FAM219A: variants seen among roughly 807,000 people sequenced by gnomAD.
The protein encoded by FAM219A is protein FAM219A.
Under a neutral mutation model 23.4 loss-of-function variants are expected in FAM219A, and 7 were observed. That is an observed-to-expected ratio of 0.30 (90% CI 0.17 to 0.56). The LOEUF (loss-of-function observed/expected upper bound fraction) is 0.56. FAM219A is among the 20% of genes least tolerant of loss of function. The probability of loss-of-function intolerance (pLI) is 0.92; values close to 1 mark genes in which losing one functional copy is unlikely to be tolerated. For synonymous variants in FAM219A, 93 were observed against 99.0 expected (o/e 0.94, Z 0.36); for missense variants, 166 against 246.9 (o/e 0.67, Z 2.20).
intron 1 of FAM219A, among the ~76,000 whole-genome samples, chr9:34,437,873 TG>T (rs1822981355): frequency 6.6e-6 from 1 of 152,220 alleles, no homozygotes; most frequent in Non-Finnish European, 1.5e-5. Flanking sequence ...AGCCCCTTTC[TG>T]GGCTGGCCAA....
chr9:34,426,563 A>T (rs1488505546), intron 1 of FAM219A, among the ~76,000 whole-genome samples: 1 of 152,230 alleles, frequency 6.6e-6, no homozygotes, highest in African/African-American at 2.4e-5. Flanking sequence ...GCAGATAGGA[A>T]CAGGCAATGG....
chr9:34,433,024 G>A (rs1345353721), intron 1 of FAM219A, among the ~76,000 whole-genome samples: 3 of 151,972 alleles, frequency 2.0e-5, no homozygotes, highest in South Asian at 2.1e-4. Context: ...TTGCATTTAC[G>A]GAAGAGTTAC....
intron 1 of FAM219A, among the ~76,000 whole-genome samples, chr9:34,440,849 T>TC (rs1823142302): frequency 7.2e-6 from 1 of 138,656 alleles, no homozygotes; most frequent in Non-Finnish European, 1.6e-5. Context: ...AGACTCGGTC[T>TC]CAAAAAAAAA....
At chr9:34,427,972 G>A (rs1213009939) in intron 1 of FAM219A, among the ~76,000 whole-genome samples, 1 of 152,208 alleles carries the variant, frequency 6.6e-6, no homozygotes, top group African/African-American at 2.4e-5. Context: ...AACAAACTGA[G>A]CAGATAGATG....
intron 1 of FAM219A, among the ~76,000 whole-genome samples, chr9:34,413,511 C>A (rs142115764): frequency 6.6e-6 from 1 of 152,114 alleles, no homozygotes; most frequent in Admixed American, 6.5e-5. Context: ...TCAGCCTTCC[C>A]AAGAAGAGGT....
Position 34,417,528 on chromosome 9 carries a change from C to A in FAM219A, c.61-11564G>T, listed in dbSNP as rs899937500. Among the ~76,000 whole-genome samples the A allele has an allele frequency of 2.0e-5, 3 of 152,184 alleles. No homozygotes were observed. The highest frequency in any genetic ancestry group is 6.5e-5 in the Admixed American group (1 of 15,282). The stretch of plus-strand genomic sequence containing the variant: ...ATCCACATATATTTACATTTAGGAT[C>A]ATTTCCTAAATAAAGTAGATTACTC... On this transcript the variant is annotated intron_variant, in intron 1 of 5. Transcript: ENST00000651358. The surrounding 1 kb of genome is among the most constrained non-coding windows in gnomAD (Gnocchi z 4.1).
chr9:34,450,870 G>T (rs1162466524), intron 1 of FAM219A, among the ~76,000 whole-genome samples: 1 of 152,144 alleles, frequency 6.6e-6, no homozygotes, highest in Non-Finnish European at 1.5e-5. Flanking sequence ...GTGGCCTCTT[G>T]TCATATGTTT....
intron 1 of FAM219A, among the ~76,000 whole-genome samples, chr9:34,416,329 AGGAAGCG>A (rs1564003604): frequency 1.3e-5 from 2 of 151,526 alleles, no homozygotes; most frequent in Non-Finnish European, 1.5e-5. Context: ...GAAGGAAGGA[AGGAAGCG>A]GAGAGAAAAG....
intron 1 of FAM219A, among the ~76,000 whole-genome samples, chr9:34,449,006 A>AAG (rs374117391): frequency 0.17 from 26,281 of 150,184 alleles, 2,522 homozygotes; most frequent in East Asian, 0.32. Flanking sequence ...AAAAAAAAAA[A>AAG]AACCTCAGCC....
intron 1 of FAM219A, among the ~76,000 whole-genome samples, chr9:34,416,312 A>G (rs994995688): frequency 8.5e-6 from 1 of 117,518 alleles, no homozygotes; most frequent in Admixed American, 8.6e-5. Context: ...GGAAGGAACG[A>G]AGGAAGGAAG....
chr9:34,438,066 C>T (rs1347694085), intron 1 of FAM219A, among the ~76,000 whole-genome samples: 2 of 152,238 alleles, frequency 1.3e-5, no homozygotes, highest in African/African-American at 2.4e-5. Flanking sequence ...GCTTAGCACC[C>T]GGGCCAGTGG....
At chr9:34,407,754 T>C (rs1040725682) in intron 1 of FAM219A, among the ~76,000 whole-genome samples, 4 of 152,202 alleles carry the variant, frequency 2.6e-5, no homozygotes, top group Admixed American at 2.6e-4. Flanking sequence ...GCAGAGGGGA[T>C]CCAAGGCTGC....
At chr9:34,430,672 A>AAAC (rs1185016029) in intron 1 of FAM219A, among the ~76,000 whole-genome samples, 8 of 150,740 alleles carry the variant, frequency 5.3e-5, no homozygotes, top group Admixed American at 1.3e-4. Context: ...AAAAACAAAC[A>AAAC]AACAACAACA....
At chr9:34,413,159 T>G (rs1588038990) in intron 1 of FAM219A, among the ~76,000 whole-genome samples, 17 of 125,018 alleles carry the variant, frequency 1.4e-4, no homozygotes, top group East Asian at 4.6e-4. Context: ...AGAAGGGAGG[T>G]AAGGAAGGTG....
intron 1 of FAM219A, among the ~76,000 whole-genome samples, chr9:34,422,249 C>T (rs1249610112): frequency 6.6e-6 from 1 of 152,196 alleles, no homozygotes. Context: ...GCCAGAGGTA[C>T]GGCCATGGTG....
At chr9:34,404,457 C>G (rs777495116) in intron 2 of FAM219A, among the ~76,000 whole-genome samples, 4 of 152,162 alleles carry the variant, frequency 2.6e-5, no homozygotes, top group Non-Finnish European at 4.4e-5. Context: ...CCTGTAATCC[C>G]AGCACTCTGG....
At chr9:34,416,233 AAGAAAGAAAG>A in intron 1 of FAM219A, among the ~76,000 whole-genome samples, 1 of 134,336 alleles carries the variant, frequency 7.4e-6, no homozygotes, top group South Asian at 2.7e-4. Flanking sequence ...GAAAGAAAGA[AAGAAAGAAAG>A]AAAGAAAGAA....
At chr9:34,456,829 T>G (rs1281392391) in intron 1 of FAM219A, among the ~76,000 whole-genome samples, 1 of 152,180 alleles carries the variant, frequency 6.6e-6, no homozygotes, top group African/African-American at 2.4e-5. Flanking sequence ...TAAGCAGTCA[T>G]GAAAGGGGGA....
intron 1 of FAM219A, among the ~76,000 whole-genome samples, chr9:34,449,968 C>T (rs916907090): frequency 6.6e-6 from 1 of 152,118 alleles, no homozygotes. Context: ...GTGCATGGTG[C>T]GTGGCCAAGG....
Sources: gnomAD v4.1 joint callset for allele counts (sites outside exome capture counted in the v4.1 genomes callset) on GRCh38, gnomAD v4.1.1 for gene constraint, Gnocchi (gnomAD v3.1) non-coding constraint, MANE v1.5 for transcripts, NCBI Gene and HGNC (gene_info 2026-07-23, HGNC 2026-07-21) for gene names.